The following WDR70 variants were observed in gnomAD, a reference collection of about 807,000 sequenced individuals.
WDR70 encodes the protein WD repeat-containing protein 70.
Under a neutral mutation model 88.6 loss-of-function variants are expected in WDR70, and 53 were observed. That is an observed-to-expected ratio of 0.60 (90% CI 0.48 to 0.75). WDR70 has a LOEUF of 0.75. WDR70 is among the 30% of genes least tolerant of loss of function. The pLI, the probability that WDR70 is intolerant of heterozygous loss-of-function variation, is 0.00. For missense variants in WDR70, 610 were observed against 823.2 expected (o/e 0.74, Z 3.17); for synonymous variants, 280 against 270.0 (o/e 1.04, Z -0.36).
Position 37,631,986 on chromosome 5 carries a change from A to G in WDR70, c.1092+26748A>G, listed in dbSNP as rs78154535. Among the ~76,000 whole-genome samples the G allele has an allele frequency of 2.1e-3, 327 of 152,312 alleles. 18 individuals are homozygous for G. In the East Asian group the frequency reaches 0.056, roughly 26 times the overall value. On this transcript the variant is annotated intron_variant, in intron 10 of 17. Coordinates refer to ENST00000265107, the MANE Select transcript of WDR70 (RefSeq NM_018034.4). ...CTCCTGGTCCCCTCTGTTACAGTTA[A>G]TAAGGATCAAAACGGAATACAAGTT...
At chr5:37,495,624 A>C (rs1333639531) in intron 8 of WDR70, among the ~76,000 whole-genome samples, 1 of 152,228 alleles carries the variant, frequency 6.6e-6, no homozygotes, top group Non-Finnish European at 1.5e-5. Context: ...AGGCTGTTAA[A>C]TAAAGGAAGA....
chr5:37,515,729 G>A (rs573167595), intron 8 of WDR70, among the ~76,000 whole-genome samples: 2 of 152,282 alleles, frequency 1.3e-5, no homozygotes, highest in Admixed American at 1.3e-4. Context: ...CAGAGTAAGA[G>A]ATACTGCAGT....
intron 17 of WDR70, among the ~76,000 whole-genome samples, chr5:37,732,111 A>G (rs1249900702): frequency 6.6e-6 from 1 of 152,164 alleles, no homozygotes; most frequent in Non-Finnish European, 1.5e-5. Context: ...AAAGGTAGAC[A>G]ATGGAGATTT....
Position 37,456,062 on chromosome 5 carries a change from C to T in WDR70, c.686+12690C>T, listed in dbSNP as rs181200621. Among the ~76,000 whole-genome samples the T allele has an allele frequency of 2.6e-4, 39 of 152,220 alleles. No homozygotes were observed. The East Asian group carries it at 4.6e-3, about 18-fold the overall frequency. On this transcript the variant is annotated intron_variant, in intron 7 of 17. Transcript: ENST00000265107. ...AGGAATAAAGCTTCTATAAATACTC[C>T]GTACTGTAGAGGTCATTTTTATAGA...
intron 4 of WDR70, among the ~76,000 whole-genome samples, chr5:37,393,144 G>A (rs1748897683): frequency 6.6e-6 from 1 of 152,064 alleles, no homozygotes; most frequent in Admixed American, 6.6e-5. Flanking sequence ...CCGGGTTCAA[G>A]CAGTTCTCTG....
intron 5 of WDR70, among the ~76,000 whole-genome samples, chr5:37,403,101 C>T (rs1749252565): frequency 2.6e-5 from 4 of 151,894 alleles, no homozygotes; most frequent in Admixed American, 2.6e-4. Flanking sequence ...TGTGCACCAC[C>T]ACGCCTGGCT....
chr5:37,462,479 T>C (rs1245551083), intron 7 of WDR70, among the ~76,000 whole-genome samples: 2 of 152,128 alleles, frequency 1.3e-5, no homozygotes, highest in African/African-American at 4.8e-5. Context: ...ATTTTTTGTA[T>C]TTTCAGTAGA....
intron 17 of WDR70, among the ~76,000 whole-genome samples, chr5:37,728,748 T>C (rs1435901284): frequency 6.6e-6 from 1 of 152,168 alleles, no homozygotes; most frequent in Non-Finnish European, 1.5e-5. Flanking sequence ...TTTCAGTTGA[T>C]AAACTTCTTG....
At chr5:37,425,807 G>A (rs2112007026) in intron 5 of WDR70, among the ~76,000 whole-genome samples, 1 of 152,204 alleles carries the variant, frequency 6.6e-6, no homozygotes, top group South Asian at 2.1e-4. Flanking sequence ...GTGGTGAGAG[G>A]GACTCATCAA....
chr5:37,683,708 C>A (rs1050056937), intron 10 of WDR70, among the ~76,000 whole-genome samples: 2 of 152,074 alleles, frequency 1.3e-5, no homozygotes, highest in Non-Finnish European at 2.9e-5. Flanking sequence ...GCTGAGAGGT[C>A]CACTCTTAGT....
chr5:37,551,899 G>A (rs1420120178), intron 9 of WDR70, among the ~76,000 whole-genome samples: 1 of 150,012 alleles, frequency 6.7e-6, no homozygotes, highest in Non-Finnish European at 1.5e-5. Flanking sequence ...AGCCTCCCGA[G>A]TAGTTGGAAT....
Position 37,600,962 on chromosome 5 carries a change from G to A in WDR70, c.918-4102G>A, listed in dbSNP as rs757018172. 7.5e-4 allele frequency among the ~76,000 whole-genome samples: 114 copies of A among 152,098 alleles called. 3 individuals carry two copies. The highest frequency in any genetic ancestry group is 1.9e-4 in the Non-Finnish European group (13 of 68,008). On this transcript the variant is annotated intron_variant, in intron 9 of 17. Coordinates refer to ENST00000265107, the MANE Select transcript of WDR70 (RefSeq NM_018034.4). The stretch of plus-strand genomic sequence containing the variant: ...TTTGGTAGAGTCTTTAGAGTTTTCT[G>A]TATGTAAGATAATGTTAACAAAAAA...
At chr5:37,638,036 G>A (rs1164362596) in intron 10 of WDR70, among the ~76,000 whole-genome samples, 1 of 152,082 alleles carries the variant, frequency 6.6e-6, no homozygotes, top group African/African-American at 2.4e-5. Context: ...GAATCTGGCT[G>A]GGATCCGGGA....
intron 13 of WDR70, among the ~76,000 whole-genome samples, chr5:37,716,950 C>T (rs1468536524): frequency 1.3e-5 from 2 of 152,242 alleles, no homozygotes; most frequent in East Asian, 3.9e-4. Flanking sequence ...CGGCCTACCC[C>T]TCTCTTTTTT....
At chr5:37,660,372 C>G (rs1487126040) in intron 10 of WDR70, among the ~76,000 whole-genome samples, 1 of 151,078 alleles carries the variant, frequency 6.6e-6, no homozygotes, top group Non-Finnish European at 1.5e-5. Context: ...GATTTTATGT[C>G]TTACTTATTT....
chr5:37,397,160 G>A (rs1450855364), intron 5 of WDR70, among the ~76,000 whole-genome samples: 4 of 75,210 alleles, frequency 5.3e-5, no homozygotes, highest in East Asian at 3.4e-4. Context: ...CAACCCCCCC[G>A]CAAAAAACCT....
Position 37,582,436 on chromosome 5 carries a change from G to A in WDR70, c.918-22628G>A, listed in dbSNP as rs116848885. On this transcript the variant is annotated intron_variant, in intron 9 of 17. Transcript: ENST00000265107. Reference sequence around the variant, plus strand: ...AACATAAGAATGCTCTGCTTGCTTAGCAGTGTCTGACCCAATTTTATATAA... The same window carrying A: ...AACATAAGAATGCTCTGCTTGCTTAACAGTGTCTGACCCAATTTTATATAA... Among the ~76,000 whole-genome samples the A allele has an allele frequency of 3.0e-4, 45 of 152,310 alleles. No homozygotes were observed. In the East Asian group the frequency reaches 7.9e-3, roughly 27 times the overall value.
chr5:37,420,444 T>C (rs1749910443), intron 5 of WDR70, among the ~76,000 whole-genome samples: 1 of 148,254 alleles, frequency 6.7e-6, no homozygotes. Context: ...TGTTTTTTTC[T>C]TTTTTCTTTT....
At chr5:37,730,975 T>C (rs991860930) in intron 17 of WDR70, among the ~76,000 whole-genome samples, 5 of 152,094 alleles carry the variant, frequency 3.3e-5, no homozygotes, top group African/African-American at 4.8e-5. Flanking sequence ...AGAAAATCAG[T>C]AGGGGAGTAG....
Sources: allele counts gnomAD v4.1 joint callset (sites outside exome capture counted in the v4.1 genomes callset), GRCh38; gene constraint gnomAD v4.1.1; transcripts MANE v1.5; gene names NCBI Gene and HGNC (gene_info 2026-07-23, HGNC 2026-07-21).